STKLD1: variants seen among roughly 807,000 people sequenced by gnomAD.
STKLD1 encodes serine/threonine kinase-like domain-containing protein STKLD1.
In STKLD1, 79 loss-of-function variants were observed where a neutral mutation model predicts 80.4. The ratio of observed to expected loss-of-function variants is 0.98; its 90% CI spans 0.82 to 1.19. The LOEUF (loss-of-function observed/expected upper bound fraction) is 1.19, where lower values mean the gene tolerates loss of function less well. Among genes scored for constraint, STKLD1 ranks in the 50% most tolerant of loss-of-function variants. The pLI, the probability that STKLD1 is intolerant of heterozygous loss-of-function variation, is 0.00. For missense variants in STKLD1, 841 were observed against 856.0 expected, an observed-to-expected ratio of 0.98 and a Z score of 0.22; for synonymous variants, 393 against 357.6, an observed-to-expected ratio of 1.10 and a Z score of -1.12.
At chr9:133,400,802 C>A (rs193114620) in intron 12 of STKLD1, among the ~76,000 whole-genome samples, 3 of 152,240 alleles carry the variant, frequency 2.0e-5, no homozygotes, top group Non-Finnish European at 4.4e-5. Flanking sequence ...CAGACCCCAT[C>A]CTGGATGGCA....
Position 133,385,713 on chromosome 9 carries a change from C to T in STKLD1, c.294+22C>T, listed in dbSNP as rs117173599. The T allele has an allele frequency of 1.7e-4, 273 of 1,608,764 alleles. 3 individuals carry two copies. The East Asian group carries it at 4.5e-3, about 27-fold the overall frequency. On this transcript the variant is annotated intron_variant, in intron 4 of 17. Transcript: ENST00000371957. The surrounding 1 kb of genome is among the most constrained non-coding windows in gnomAD (Gnocchi z 4.9). ...GGAGGTGGGTCAGAGCTGACACCTA[C>T]GGGCTCAGCCGCCACGCAGTGGGCT...
intron 2 of STKLD1, among the ~76,000 whole-genome samples, chr9:133,379,520 C>T (rs2130261191): frequency 3.3e-5 from 5 of 152,238 alleles, no homozygotes; most frequent in African/African-American, 1.2e-4. Context: ...CAGGCCACCT[C>T]ACTGGGGGAC....
intron 1 of STKLD1, among the ~76,000 whole-genome samples, chr9:133,378,582 G>A (rs1032276225): frequency 2.6e-5 from 4 of 152,260 alleles, no homozygotes; most frequent in Non-Finnish European, 4.4e-5. Flanking sequence ...CAACTGCAAA[G>A]GGTGGCTGTG....
rs994948185 is a variant in STKLD1, at chr9:133,394,561, C to G, written c.702+152C>G. 2 of 659,124 alleles carry G rather than the reference C, an allele frequency of 3.0e-6. No homozygotes were observed. Among genetic ancestry groups the G allele is most frequent in the African/African-American group, 3.6e-5 (2 of 56,002 alleles). The allele number at this position is 659,124 out of a possible 1,614,324, so 40.8% of individuals were successfully genotyped here. On this transcript the variant is annotated intron_variant, in intron 8 of 17. Coordinates refer to ENST00000371957, the MANE Select transcript of STKLD1 (RefSeq NM_153710.5). This position sits in a 1 kb window ranked among gnomAD's most constrained non-coding sequence, Gnocchi z 4.9. ...AGCCCTCTTCTCCACCTGCGAGGGG[C>G]CTGCCCTCCTCAGAACCCCTCAGCT...
Position 133,389,877 on chromosome 9 carries a change from C to G in STKLD1, c.467+281C>G, listed in dbSNP as rs1294718886. 1.3e-5 allele frequency among the ~76,000 whole-genome samples: 2 copies of G among 152,182 alleles called. 1 individual carries two copies. The highest frequency in any genetic ancestry group is 4.1e-4 in the South Asian group (2 of 4,830). On this transcript the variant is annotated intron_variant, in intron 6 of 17. Transcript: ENST00000371957. This position sits in a 1 kb window ranked among gnomAD's most constrained non-coding sequence, Gnocchi z 6.4. ...GAAAGGAAGGAGGCAAAAGCCCTGC[C>G]AAGAAGAGAGACCGGGTTGCCTGCC...
At position 133,401,143 on chromosome 9, in the gene STKLD1, CT is replaced by C. The variant is rs5901013; in HGVS notation, c.1199-579del. 0.012 allele frequency among the ~76,000 whole-genome samples: 1,593 copies of C among 137,938 alleles called. 65 individuals carry two copies. The East Asian group carries it at 0.16, about 14-fold the overall frequency. 90.5% of individuals were successfully genotyped at this position (137,938 alleles called of 152,430 possible). On this transcript the variant is annotated intron_variant, in intron 12 of 17. Transcript: ENST00000371957. ...TTTTGAAACAAAAAGTATTTAGTTACTTTTTTTTTTTTTTTTGAGATGGAGT... is the reference window on the plus strand; with the variant it reads ...TTTTGAAACAAAAAGTATTTAGTTACTTTTTTTTTTTTTTTGAGATGGAGT...
intron 14 of STKLD1, 61 bp downstream of exon 14, chr9:133,403,073 A>G: frequency 6.6e-7 from 1 of 1,505,278 alleles, no homozygotes; most frequent in Non-Finnish European, 8.9e-7. Context: ...GCCCCTCCCT[A>G]ACTGCCCCTG....
chr9:133,397,311 A>C lies in STKLD1; in HGVS notation c.997+17A>C. The C allele has an allele frequency of 2.5e-6, 4 of 1,612,236 alleles. No homozygotes were observed. Among genetic ancestry groups the C allele is most frequent in the Non-Finnish European group, 3.4e-6 (4 of 1,179,934 alleles). ...GCATTTTAGGTGATGCTGGGGACACAAAGGGGGAGCGTGCCCTGAAGCTCC... is the reference window on the plus strand; with the variant it reads ...GCATTTTAGGTGATGCTGGGGACACCAAGGGGGAGCGTGCCCTGAAGCTCC... On this transcript the variant is annotated intron_variant, in intron 10 of 17. Coordinates refer to ENST00000371957, the MANE Select transcript of STKLD1 (RefSeq NM_153710.5).
At position 133,394,242 on chromosome 9, in the gene STKLD1, C is replaced by A; in HGVS notation, c.584-49C>A. On this transcript the variant is annotated intron_variant, in intron 7 of 17. Transcript: ENST00000371957. The surrounding 1 kb of genome is among the most constrained non-coding windows in gnomAD (Gnocchi z 4.9). ...GCAGGGTGACTCTGTCAAGCCCCTG[C>A]CCCCAGGGAGCAAAGGACTCAGGGA... 1 of 1,312,838 alleles carries A rather than the reference C, an allele frequency of 7.6e-7. No homozygotes were observed. The highest frequency in any genetic ancestry group is 1.4e-5 in the African/African-American group (1 of 69,024). The allele number at this position is 1,312,838 out of a possible 1,614,324, so 81.3% of individuals were successfully genotyped here. A position where few individuals can be genotyped will look rare whatever the true frequency, so the allele number is the denominator to read the frequency against.
chr9:133,380,881 T>C (rs1437151711), intron 2 of STKLD1, among the ~76,000 whole-genome samples: 1 of 152,062 alleles, frequency 6.6e-6, no homozygotes, highest in African/African-American at 2.4e-5. Flanking sequence ...CCTCCTCTCT[T>C]GGCTCTGGCA....
chr9:133,396,078 A>G (rs1588750714), intron 9 of STKLD1: 1 of 206,904 alleles, frequency 4.8e-6, no homozygotes, highest in East Asian at 1.0e-4. Flanking sequence ...AAATTCCTAA[A>G]GACAATGGTC....
intron 2 of STKLD1, among the ~76,000 whole-genome samples, chr9:133,379,901 G>C (rs56266063): frequency 1.3e-5 from 2 of 152,248 alleles, no homozygotes; most frequent in African/African-American, 4.8e-5. Context: ...GTACAGCTCC[G>C]CAGTCTCACC....
chr9:133,398,147 C>G, intron 11 of STKLD1, 92 bp downstream of exon 11: 1 of 1,256,360 alleles, frequency 8.0e-7, no homozygotes, highest in East Asian at 2.4e-5. Context: ...GCCCTCACCC[C>G]GGGCTCTCCT....
intron 4 of STKLD1, among the ~76,000 whole-genome samples, chr9:133,387,016 C>T (rs1004150216): frequency 6.6e-6 from 1 of 152,192 alleles, no homozygotes; most frequent in Admixed American, 6.5e-5. Flanking sequence ...AGGACATTTC[C>T]CTATGGGAGG....
chr9:133,397,306 G>A lies in STKLD1; in HGVS notation c.997+12G>A. ...GGCCAGCATTTTAGGTGATGCTGGGGACACAAAGGGGGAGCGTGCCCTGAA... is the reference window on the plus strand; with the variant it reads ...GGCCAGCATTTTAGGTGATGCTGGGAACACAAAGGGGGAGCGTGCCCTGAA... On this transcript the variant is annotated intron_variant, in intron 10 of 17. Transcript: ENST00000371957. 6.2e-7 allele frequency: 1 copy of A among 1,612,594 alleles called. No homozygotes were observed. Among genetic ancestry groups the A allele is most frequent in the Non-Finnish European group, 8.5e-7 (1 of 1,179,966 alleles).
Position 133,385,638 on chromosome 9 carries a change from C to T in STKLD1, c.241C>T (p.Arg81Trp), listed in dbSNP as rs2130275004. ...LEELMPLLKL[R>W]HAHISVYQEL... ...GCAGCTGATGCCACTGCTGAAGCTG[C>T]GGCACGCCCACATCTCTGTGTACCA... Residue 81 changes from arginine to tryptophan, a missense_variant, in exon 4 of 18, where the codon CGG becomes TGG. Transcript: ENST00000371957. The surrounding 1 kb of genome is among the most constrained non-coding windows in gnomAD (Gnocchi z 4.9). 79 of 1,613,160 alleles carry T rather than the reference C, an allele frequency of 4.9e-5. No individual in the cohort carries two copies. Among genetic ancestry groups the T allele is most frequent in the South Asian group, 2.4e-4 (22 of 91,090 alleles).
intron 2 of STKLD1, among the ~76,000 whole-genome samples, chr9:133,379,686 G>A (rs1838088353): frequency 6.6e-6 from 1 of 152,232 alleles, no homozygotes; most frequent in Non-Finnish European, 1.5e-5. Context: ...GGCATGGGGA[G>A]GTGTAGGCCT....
intron 9 of STKLD1, 108 bp from the exon 10 acceptor site, chr9:133,397,056 A>G (rs1666041792): frequency 3.4e-6 from 5 of 1,492,242 alleles, no homozygotes; most frequent in Non-Finnish European, 3.6e-6. Flanking sequence ...TTCAGTGTCC[A>G]GTGTCCGCAC....
Position 133,405,367 on chromosome 9 carries a change from C to CCCTCCAGGTGGAAG in STKLD1, c.1992_2005dup (p.Pro669LeufsTer57). 2 of 1,612,464 alleles carry CCCTCCAGGTGGAAG rather than the reference C, an allele frequency of 1.2e-6. No homozygotes were observed. Among genetic ancestry groups the CCCTCCAGGTGGAAG allele is most frequent in the Non-Finnish European group, 1.7e-6 (2 of 1,179,948 alleles). Reference sequence around the variant, plus strand: ...GCAGCGCCTTCAGCAAACCAGGCCTCCCTCCAGGTGGAAGCCCCCAGCTGG... The same window carrying CCCTCCAGGTGGAAG: ...GCAGCGCCTTCAGCAAACCAGGCCTCCCTCCAGGTGGAAGCCTCCAGGTGGAAGCCCCCAGCTGG... On this transcript the variant is annotated frameshift_variant, in exon 18 of 18. Coordinates refer to ENST00000371957, the MANE Select transcript of STKLD1 (RefSeq NM_153710.5). LOFTEE classifies it low-confidence loss of function (END_TRUNC).
Sources: allele counts gnomAD v4.1 joint callset (sites outside exome capture counted in the v4.1 genomes callset), GRCh38; gene constraint gnomAD v4.1.1; non-coding constraint Gnocchi (gnomAD v3.1); transcripts MANE v1.5; gene names NCBI Gene and HGNC (gene_info 2026-07-23, HGNC 2026-07-21).